Variants in KCNB2 observed in about 807,000 individuals in gnomAD.
KCNB2 encodes the protein potassium voltage-gated channel subfamily B member 2.
In KCNB2, 15 loss-of-function variants were observed where a neutral mutation model predicts 61.5. The ratio of observed to expected loss-of-function variants is 0.24; its 90% CI spans 0.16 to 0.38. The LOEUF is 0.38. KCNB2 is among the 10% of genes least tolerant of loss of function. The pLI is 1.00. For synonymous variants in KCNB2, 457 were observed against 446.0 expected, an observed-to-expected ratio of 1.02 and a Z score of -0.31; for missense variants, 828 against 1,125.2, an observed-to-expected ratio of 0.74 and a Z score of 3.78.
intron 2 of KCNB2, among the ~76,000 whole-genome samples, chr8:72,698,408 AATT>A (rs1429013779): frequency 2.0e-5 from 3 of 152,182 alleles, no homozygotes; most frequent in Non-Finnish European, 4.4e-5. Flanking sequence ...GGGGTAGAAG[AATT>A]AATATCATTA....
chr8:72,720,227 T>G (rs1353113162), intron 2 of KCNB2, among the ~76,000 whole-genome samples: 1 of 152,190 alleles, frequency 6.6e-6, no homozygotes, highest in East Asian at 1.9e-4. Flanking sequence ...GGAGATATAT[T>G]AGCCGGTCAG....
chr8:72,846,930 A>G (rs1563402972), intron 2 of KCNB2, among the ~76,000 whole-genome samples: 1 of 152,242 alleles, frequency 6.6e-6, no homozygotes, highest in Non-Finnish European at 1.5e-5. Context: ...AGGATTATAA[A>G]TCATGCTGCT....
chr8:72,920,435 T>A (rs1806487756), intron 2 of KCNB2, among the ~76,000 whole-genome samples: 1 of 79,734 alleles, frequency 1.3e-5, no homozygotes. Context: ...AAACCCCCTC[T>A]CCACTATATC....
In KCNB2 at chr8:72,741,409, ATTTCT is replaced by A. The variant is rs1807957277; in HGVS notation, c.579+173103_579+173107del. On this transcript the variant is annotated intron_variant, in intron 2 of 2. Transcript: ENST00000523207. ...TAGTGACTCTCTTATCTGTGCATAT[ATTTCT>A]TTTCTTATTATTATTATTTCAATAG... 2.0e-5 allele frequency among the ~76,000 whole-genome samples: 3 copies of A among 152,006 alleles called. No individual in the cohort carries two copies. In the South Asian group the frequency reaches 6.2e-4, roughly 32 times the overall value.
intron 2 of KCNB2, among the ~76,000 whole-genome samples, chr8:72,860,914 G>A (rs1313045955): frequency 6.6e-6 from 1 of 152,170 alleles, no homozygotes; most frequent in African/African-American, 2.4e-5. Flanking sequence ...TGTGTATACT[G>A]TATTATAAAC....
At chr8:72,653,385 T>C (rs1462120538) in intron 2 of KCNB2, among the ~76,000 whole-genome samples, 6 of 152,164 alleles carry the variant, frequency 3.9e-5, no homozygotes, top group Non-Finnish European at 8.8e-5. Context: ...AGAGAGGCTT[T>C]TCCTGAGTGC....
In KCNB2 at chr8:72,568,251, C is replaced by G. The variant is rs778886849; in HGVS notation, c.517C>G (p.Pro173Ala). Residue 173 changes from proline to alanine, a missense_variant, in exon 2 of 3, where the codon CCT (proline) becomes GCT (alanine). Transcript: ENST00000523207. ...EGEEFDNTCC[P>A]DKRKKLWDLL... ...AGAAGAGTTTGATAATACCTGCTGCCCTGATAAAAGGAAGAAACTGTGGGA... is the reference window on the plus strand; with the variant it reads ...AGAAGAGTTTGATAATACCTGCTGCGCTGATAAAAGGAAGAAACTGTGGGA... 6.2e-7 allele frequency: 1 copy of G among 1,613,862 alleles called. No individual in the cohort carries two copies. Among genetic ancestry groups the G allele is most frequent in the Non-Finnish European group, 8.5e-7 (1 of 1,179,980 alleles).
chr8:72,853,556 G>A (rs1810156387), intron 2 of KCNB2, among the ~76,000 whole-genome samples: 1 of 152,148 alleles, frequency 6.6e-6, no homozygotes, highest in African/African-American at 2.4e-5. Context: ...TTAACCTAAT[G>A]TCTAGGCCTC....
chr8:72,822,248 G>A (rs914830209), intron 2 of KCNB2, among the ~76,000 whole-genome samples: 2 of 152,216 alleles, frequency 1.3e-5, no homozygotes, highest in African/African-American at 4.8e-5. Flanking sequence ...TGTAGTGTTT[G>A]CTGGTTAATT....
At chr8:72,725,591 G>GTGTATATA (rs368891799) in intron 2 of KCNB2, among the ~76,000 whole-genome samples, 1 of 51,954 alleles carries the variant, frequency 1.9e-5, no homozygotes, top group African/African-American at 6.5e-5. Context: ...ATATATGTAT[G>GTGTATATA]TATATATATA....
intron 2 of KCNB2, among the ~76,000 whole-genome samples, chr8:72,775,340 C>T (rs1002550263): frequency 1.3e-5 from 2 of 152,142 alleles, no homozygotes; most frequent in Non-Finnish European, 2.9e-5. Flanking sequence ...AAATACTGTG[C>T]CTGCAGAGCA....
chr8:72,790,122 G>A (rs1808912996), intron 2 of KCNB2, among the ~76,000 whole-genome samples: 1 of 152,160 alleles, frequency 6.6e-6, no homozygotes. Context: ...ATAAGTAAAT[G>A]TTGCTGTAAG....
At chr8:72,796,826 T>G (rs903802642) in intron 2 of KCNB2, among the ~76,000 whole-genome samples, 2 of 152,190 alleles carry the variant, frequency 1.3e-5, no homozygotes, top group Non-Finnish European at 2.9e-5. Flanking sequence ...CAAAATGATA[T>G]CAACTGAATA....
chr8:72,893,055 T>G (rs1805926833), intron 2 of KCNB2, among the ~76,000 whole-genome samples: 1 of 151,844 alleles, frequency 6.6e-6, no homozygotes, highest in South Asian at 2.1e-4. Context: ...ATGTGTGATT[T>G]AGATCTGAGG....
At chr8:72,885,861 C>T (rs946658571) in intron 2 of KCNB2, among the ~76,000 whole-genome samples, 50 of 152,020 alleles carry the variant, frequency 3.3e-4, no homozygotes, top group African/African-American at 1.1e-3. Context: ...GAATATGCTA[C>T]GATAAAGACT....
At chr8:72,816,223 C>T (rs1320521829) in intron 2 of KCNB2, among the ~76,000 whole-genome samples, 2 of 152,180 alleles carry the variant, frequency 1.3e-5, no homozygotes, top group East Asian at 3.9e-4. Flanking sequence ...TAATGCTCAT[C>T]ACCATGAGAC....
intron 2 of KCNB2, among the ~76,000 whole-genome samples, chr8:72,642,481 G>C (rs1184946876): frequency 6.6e-6 from 1 of 152,066 alleles, no homozygotes; most frequent in African/African-American, 2.4e-5. Context: ...AGCACGGTTT[G>C]TGGACTCACA....
chr8:72,845,154 C>T (rs892340544), intron 2 of KCNB2, among the ~76,000 whole-genome samples: 1 of 152,144 alleles, frequency 6.6e-6, no homozygotes, highest in African/African-American at 2.4e-5. Context: ...GATGTTGATG[C>T]TATTCCTTTC....
chr8:72,559,306 G>A (rs992767864), intron 1 of KCNB2, among the ~76,000 whole-genome samples: 2 of 151,702 alleles, frequency 1.3e-5, no homozygotes, highest in African/African-American at 2.4e-5. Flanking sequence ...TACTACACCC[G>A]GCTAATTTTT....
Sources: gnomAD v4.1 joint callset for allele counts (sites outside exome capture counted in the v4.1 genomes callset) on GRCh38, gnomAD v4.1.1 for gene constraint, MANE v1.5 for transcripts, NCBI Gene and HGNC (gene_info 2026-07-23, HGNC 2026-07-21) for gene names.